KIAA0825: variants seen among roughly 807,000 people sequenced by gnomAD.
The protein encoded by KIAA0825 is KIAA0825, also known as uncharacterized protein KIAA0825.
In KIAA0825, 119 loss-of-function variants were observed where a neutral mutation model predicts 147.6. The observed-to-expected ratio is 0.81, with a 90% CI of 0.69 to 0.94. The LOEUF (loss-of-function observed/expected upper bound fraction) is 0.94. KIAA0825 is among the 40% of genes least tolerant of loss of function. KIAA0825 has a pLI of 0.00. For synonymous variants in KIAA0825, 470 were observed against 518.1 expected, an observed-to-expected ratio of 0.91 and a Z score of 1.26; for missense variants, 1,381 against 1,472.7, an observed-to-expected ratio of 0.94 and a Z score of 1.02.
At position 94,598,182 on chromosome 5, in the gene KIAA0825, A is replaced by C. The variant is rs534726687; in HGVS notation, c.-152-15599T>G. On this transcript the variant is annotated intron_variant, in intron 1 of 20. Coordinates refer to ENST00000682413, the MANE Select transcript of KIAA0825 (RefSeq NM_001145678.3). ...CTTTTGTGTAATAACAGTTAGCATA[A>C]AACACAATGTACAAAATATTTACCT... Among the ~76,000 whole-genome samples, 3 of 152,278 alleles carry C rather than the reference A, an allele frequency of 2.0e-5. No homozygotes were observed. The East Asian group carries it at 5.8e-4, about 29-fold the overall frequency.
chr5:94,517,122 A>G (rs2151193273), intron 5 of KIAA0825, among the ~76,000 whole-genome samples: 1 of 152,294 alleles, frequency 6.6e-6, no homozygotes, highest in South Asian at 2.1e-4. Context: ...AAAAAGTGAA[A>G]GTGGTAAATT....
intron 14 of KIAA0825, among the ~76,000 whole-genome samples, chr5:94,434,635 C>T (rs1756106198): frequency 6.6e-6 from 1 of 152,134 alleles, no homozygotes; most frequent in Non-Finnish European, 1.5e-5. Flanking sequence ...GTATTTGGCT[C>T]ACAGTTTTGG....
At chr5:94,438,042 A>G (rs1035996766) in intron 14 of KIAA0825, among the ~76,000 whole-genome samples, 6 of 152,202 alleles carry the variant, frequency 3.9e-5, no homozygotes, top group African/African-American at 1.4e-4. Context: ...ATGTGTACCA[A>G]GATGTCCTGG....
At chr5:94,463,708 C>G (rs1760114833) in intron 11 of KIAA0825, among the ~76,000 whole-genome samples, 1 of 151,136 alleles carries the variant, frequency 6.6e-6, no homozygotes, top group Non-Finnish European at 1.5e-5. Flanking sequence ...TGCAACCACC[C>G]AGAAAATAAA....
chr5:94,473,988 C>A (rs912889951), intron 7 of KIAA0825, among the ~76,000 whole-genome samples: 3 of 152,136 alleles, frequency 2.0e-5, no homozygotes, highest in Admixed American at 2.0e-4. Flanking sequence ...TTTTCACTCA[C>A]AGAACTCCAG....
rs1766689344 is a variant in KIAA0825, at chr5:94,152,888, A to ATT, written c.*1118_*1119insAA. The stretch of plus-strand genomic sequence containing the variant: ...TATATATATATATATATATATATAT[A>ATT]TATATATATATATATGGTTTCTCCC... On this transcript the variant is annotated 3_prime_UTR_variant, in exon 21 of 21. Transcript: ENST00000682413. 1 of 60,142 alleles carries ATT rather than the reference A, an allele frequency of 1.7e-5. No homozygotes were observed. The highest frequency in any genetic ancestry group is 6.1e-5 in the African/African-American group (1 of 16,340). The allele number at this position is 60,142 out of a possible 1,614,324, so 3.7% of individuals were successfully genotyped here. A position where few individuals can be genotyped will look rare whatever the true frequency, so the allele number is the denominator to read the frequency against.
intron 18 of KIAA0825, among the ~76,000 whole-genome samples, chr5:94,388,545 A>G (rs1562447108): frequency 6.6e-6 from 1 of 152,224 alleles, no homozygotes; most frequent in Non-Finnish European, 1.5e-5. Context: ...TAAAAGGAAT[A>G]CTTTCGTTTT....
At chr5:94,256,436 G>C (rs1776258267) in intron 20 of KIAA0825, among the ~76,000 whole-genome samples, 2 of 152,042 alleles carry the variant, frequency 1.3e-5, no homozygotes, top group African/African-American at 2.4e-5. Context: ...AAGGTTATTA[G>C]AAAATGTAAA....
chr5:94,399,835 T>G (rs1336990358), intron 16 of KIAA0825, among the ~76,000 whole-genome samples: 1 of 152,134 alleles, frequency 6.6e-6, no homozygotes, highest in Non-Finnish European at 1.5e-5. Context: ...AAAGGAAATT[T>G]ACAATAAAGG....
chr5:94,214,299 A>G (rs1773013359), intron 20 of KIAA0825, among the ~76,000 whole-genome samples: 1 of 152,166 alleles, frequency 6.6e-6, no homozygotes, highest in South Asian at 2.1e-4. Flanking sequence ...TCCTTCCTTT[A>G]TCAAGTAATT....
intron 20 of KIAA0825, among the ~76,000 whole-genome samples, chr5:94,372,489 G>A (rs1003314859): frequency 6.6e-6 from 1 of 152,192 alleles, no homozygotes; most frequent in Non-Finnish European, 1.5e-5. Flanking sequence ...ACCAAACCAC[G>A]TGGAAGCTGC....
chr5:94,401,978 GC>G (rs1290727955), intron 16 of KIAA0825, among the ~76,000 whole-genome samples: 1 of 152,126 alleles, frequency 6.6e-6, no homozygotes, highest in Non-Finnish European at 1.5e-5. Context: ...ATTTCAGAGG[GC>G]AGTAAAGAAG....
intron 1 of KIAA0825, among the ~76,000 whole-genome samples, chr5:94,617,608 C>A (rs1028999888): frequency 6.6e-6 from 1 of 152,026 alleles, no homozygotes; most frequent in Non-Finnish European, 1.5e-5. Flanking sequence ...CTGCCTTTTA[C>A]GGGGGTTGGT....
chr5:94,589,122 A>G (rs1783868905), intron 1 of KIAA0825, among the ~76,000 whole-genome samples: 1 of 152,180 alleles, frequency 6.6e-6, no homozygotes, highest in Admixed American at 6.5e-5. Flanking sequence ...AAACCTGCAC[A>G]TTGTGCACAT....
chr5:94,427,195 A>C (rs187529914), intron 14 of KIAA0825, among the ~76,000 whole-genome samples: 1 of 152,178 alleles, frequency 6.6e-6, no homozygotes, highest in Non-Finnish European at 1.5e-5. Context: ...TTTTCATAAC[A>C]GTCTTTTTAT....
At chr5:94,479,465 T>C (rs1203355166) in intron 6 of KIAA0825, among the ~76,000 whole-genome samples, 1 of 152,160 alleles carries the variant, frequency 6.6e-6, no homozygotes, top group Non-Finnish European at 1.5e-5. Context: ...TTCCATTGTA[T>C]TGATGTACCA....
rs1766498139 is a variant in KIAA0825, at chr5:94,151,499, A to G, written c.*2508T>C. Among the ~76,000 whole-genome samples the G allele has an allele frequency of 6.6e-6, 1 of 151,200 alleles. No individual in the cohort carries two copies. The highest frequency in any genetic ancestry group is 1.5e-5 in the Non-Finnish European group (1 of 67,846). Reference sequence around the variant, plus strand: ...TAATCTGATAAATCAATGACTTGTCACCTAATACTCTCAATTATAAACTTT... The same window carrying G: ...TAATCTGATAAATCAATGACTTGTCGCCTAATACTCTCAATTATAAACTTT... On this transcript the variant is annotated 3_prime_UTR_variant, in exon 21 of 21. Coordinates refer to ENST00000682413, the MANE Select transcript of KIAA0825 (RefSeq NM_001145678.3).
At chr5:94,261,015 A>G (rs1488162253) in intron 20 of KIAA0825, among the ~76,000 whole-genome samples, 1 of 152,168 alleles carries the variant, frequency 6.6e-6, no homozygotes, top group Non-Finnish European at 1.5e-5. Context: ...TTTTAAAATA[A>G]CATTCGGTCA....
At chr5:94,161,757 G>A (rs148915728) in intron 20 of KIAA0825, among the ~76,000 whole-genome samples, 2 of 152,208 alleles carry the variant, frequency 1.3e-5, no homozygotes, top group African/African-American at 4.8e-5. Context: ...ATAGAAAAGA[G>A]ATGGATTTAT....
Sources: gnomAD v4.1 joint callset for allele counts (sites outside exome capture counted in the v4.1 genomes callset) on GRCh38, gnomAD v4.1.1 for gene constraint, MANE v1.5 for transcripts, NCBI Gene and HGNC (gene_info 2026-07-23, HGNC 2026-07-21) for gene names.